Variants in RIPK2 observed in about 807,000 individuals in gnomAD.
The protein encoded by RIPK2 is receptor interacting serine/threonine kinase 2.
Under a neutral mutation model 60.9 loss-of-function variants are expected in RIPK2, and 38 were observed. That is an observed-to-expected ratio of 0.62 (90% confidence interval 0.48 to 0.82). The LOEUF (loss-of-function observed/expected upper bound fraction) is 0.82. Among genes scored for constraint, RIPK2 ranks in the 40% least tolerant of loss-of-function variants. The pLI, the probability that RIPK2 is intolerant of heterozygous loss-of-function variation, is 0.00. For synonymous variants in RIPK2, 225 were observed against 223.4 expected (o/e 1.01, Z -0.06); for missense variants, 518 against 647.0 (o/e 0.80, Z 2.16).
At chr8:89,781,053 G>A (rs921842439) in intron 7 of RIPK2, among the ~76,000 whole-genome samples, 6 of 150,438 alleles carry the variant, frequency 4.0e-5, no homozygotes, top group Non-Finnish European at 8.8e-5. Context: ...GTTTGTTAGG[G>A]GATATAGGTT....
At position 89,758,017 on chromosome 8, in the gene RIPK2, C is replaced by T. The variant is rs199566219; in HGVS notation, c.-44C>T. The T allele has an allele frequency of 1.3e-6, 2 of 1,501,904 alleles. No homozygotes were observed. The highest frequency in any genetic ancestry group is 1.8e-6 in the Non-Finnish European group (2 of 1,121,032). The allele number at this position is 1,501,904 out of a possible 1,614,324, so 93.0% of individuals were successfully genotyped here. ...GCGGCGTGGGAGCCTTGGGAGCCGC[C>T]GCAGCAGGGGGCACACCCGGAACCG... On this transcript the variant is annotated 5_prime_UTR_variant, in exon 1 of 11. Transcript: ENST00000220751.
Position 89,765,552 on chromosome 8 carries a change from T to G in RIPK2, c.483+56T>G, listed in dbSNP as rs1308195429. ...CTTGTCCTTATAGTTTTAAAAATAC[T>G]TTTTAGTTATTTCTTCGACCTAGCC... On this transcript the variant is annotated intron_variant, in intron 3 of 10. Transcript: ENST00000220751. 11 of 1,214,846 alleles carry G rather than the reference T, an allele frequency of 9.1e-6. No individual in the cohort carries two copies. The East Asian group carries it at 2.4e-4, about 27-fold the overall frequency. 75.3% of individuals were successfully genotyped at this position (1,214,846 alleles called of 1,614,324 possible).
intron 6 of RIPK2, among the ~76,000 whole-genome samples, chr8:89,773,744 G>T (rs1453633426): frequency 6.6e-6 from 1 of 152,142 alleles, no homozygotes; most frequent in East Asian, 1.9e-4. Context: ...AATTAAGATA[G>T]TATTTCAGAG....
At chr8:89,774,172 T>G (rs1809359938) in intron 6 of RIPK2, among the ~76,000 whole-genome samples, 1 of 151,984 alleles carries the variant, frequency 6.6e-6, no homozygotes, top group African/African-American at 2.4e-5. Flanking sequence ...AAGGGCTTGA[T>G]TCTAGAATAT....
rs1478311049 is a variant in RIPK2, at chr8:89,771,796, T to C, written c.691+6T>C. On this transcript the variant is annotated splice_donor_region_variant and intron_variant, in intron 5 of 10. Coordinates refer to ENST00000220751, the MANE Select transcript of RIPK2 (RefSeq NM_003821.6). ...CAGAAAACAGCCTTTTGAAGGTAAGTATGGTTTGACTTTTTTATGCTCAAT... is the reference window on the plus strand; with the variant it reads ...CAGAAAACAGCCTTTTGAAGGTAAGCATGGTTTGACTTTTTTATGCTCAAT... 6.3e-7 allele frequency: 1 copy of C among 1,595,092 alleles called. No individual in the cohort carries two copies. Among genetic ancestry groups the C allele is most frequent in the Non-Finnish European group, 8.6e-7 (1 of 1,164,714 alleles).
At chr8:89,775,763 T>G (rs1229158657) in intron 6 of RIPK2, among the ~76,000 whole-genome samples, 4 of 152,202 alleles carry the variant, frequency 2.6e-5, no homozygotes, top group African/African-American at 9.6e-5. Flanking sequence ...CTCTCATGGC[T>G]TCTATTTTCT....
rs1219738031 is a variant in RIPK2, at chr8:89,758,115, G to A, written c.55G>A (p.Ala19Thr). The A allele has an allele frequency of 6.2e-7, 1 of 1,605,682 alleles. No homozygotes were observed. The highest frequency in any genetic ancestry group is 1.1e-5 in the South Asian group (1 of 89,718). The change falls in exon 1 of 11, where the codon GCC becomes ACC. Residue 19 changes from alanine to threonine, a missense_variant. By Grantham distance (58) the Ala-to-Thr change is moderately conservative (BLOSUM62 0). Coordinates refer to ENST00000220751, the MANE Select transcript of RIPK2 (RefSeq NM_003821.6). ...GCCCACCATTCCCTACCACAAACTC[G>A]CCGACCTGCGCTACCTGAGCCGCGG... ...ALPTIPYHKLADLRYLSRGAS... is the reference protein window; with the variant it reads ...ALPTIPYHKLTDLRYLSRGAS...
intron 3 of RIPK2, among the ~76,000 whole-genome samples, chr8:89,768,174 C>G (rs534941957): frequency 6.6e-6 from 1 of 151,526 alleles, no homozygotes; most frequent in Non-Finnish European, 1.5e-5. Context: ...CTTTTTGCCA[C>G]GTATCGTTGC....
chr8:89,767,522 T>C (rs764114354), intron 3 of RIPK2, among the ~76,000 whole-genome samples: 3 of 151,608 alleles, frequency 2.0e-5, no homozygotes, highest in Admixed American at 6.6e-5. Flanking sequence ...TGCCTCAGTA[T>C]TGCTAAGAAA....
At chr8:89,765,163 G>A (rs940081719) in intron 2 of RIPK2, among the ~76,000 whole-genome samples, 178 bp from the exon 3 acceptor site, 2 of 152,004 alleles carry the variant, frequency 1.3e-5, no homozygotes, top group South Asian at 4.2e-4. Flanking sequence ...TATAAAGTGA[G>A]GAAAGTAAGA....
intron 10 of RIPK2, among the ~76,000 whole-genome samples, 161 bp downstream of exon 10, chr8:89,789,643 A>G (rs1453726642): frequency 6.6e-6 from 1 of 152,234 alleles, no homozygotes; most frequent in Non-Finnish European, 1.5e-5. Context: ...GGGAATGATG[A>G]CATGGCCCAA....
At position 89,784,120 on chromosome 8, in the gene RIPK2, T is replaced by C; in HGVS notation, c.1010T>C (p.Val337Ala). 7.9e-7 allele frequency: 1 copy of C among 1,268,094 alleles called. No individual in the cohort carries two copies. Among genetic ancestry groups the C allele is most frequent in the Non-Finnish European group, 1.1e-6 (1 of 923,516 alleles). 78.6% of individuals were successfully genotyped at this position (1,268,094 alleles called of 1,614,324 possible). A position where few individuals can be genotyped will look rare whatever the true frequency, so the allele number is the denominator to read the frequency against. The change falls in exon 8 of 11, where the codon GTA becomes GCA. Residue 337 changes from valine (V) to alanine (A), a missense_variant. Physicochemically the swap from Val to Ala is moderately conservative, Grantham distance 64. Coordinates refer to ENST00000220751, the MANE Select transcript of RIPK2 (RefSeq NM_003821.6). ...KKMELSLNIPVNHGPQEESCG... is the reference protein window; with the variant it reads ...KKMELSLNIPANHGPQEESCG... ...ATGGAATTATCTCTGAACATACCTG[T>C]AAATCATGGTCCACAAGAGGTAAAA...
intron 5 of RIPK2, 47 bp downstream of exon 5, chr8:89,771,837 G>A: frequency 8.5e-7 from 1 of 1,172,914 alleles, no homozygotes; most frequent in East Asian, 2.4e-5. Flanking sequence ...CATGTTAGTA[G>A]GTCACTCTCA....
intron 6 of RIPK2, among the ~76,000 whole-genome samples, chr8:89,779,310 G>GTTC (rs1809454692): frequency 1.3e-5 from 1 of 79,094 alleles, no homozygotes; most frequent in Non-Finnish European, 2.1e-5. Context: ...CGGTTTTTGG[G>GTTC]TTTTTTTTTT....
intron 6 of RIPK2, among the ~76,000 whole-genome samples, chr8:89,777,889 GA>G (rs948315971): frequency 8.7e-5 from 13 of 150,116 alleles, no homozygotes; most frequent in Non-Finnish European, 1.6e-4. Context: ...GGGAAAGGAA[GA>G]AAAAAAAATC....
intron 10 of RIPK2, 110 bp from the exon 11 acceptor site, chr8:89,789,969 C>A (rs1350284099): frequency 2.6e-6 from 2 of 774,806 alleles, no homozygotes; most frequent in Non-Finnish European, 3.9e-6. Context: ...CATATTGGCA[C>A]AATCATAGGA....
At chr8:89,778,296 TA>T (rs1361784540) in intron 6 of RIPK2, among the ~76,000 whole-genome samples, 6 of 151,878 alleles carry the variant, frequency 4.0e-5, no homozygotes, top group Admixed American at 2.0e-4. Flanking sequence ...TAATAAAGAT[TA>T]TTTTTTTCAA....
chr8:89,758,313 C>T, intron 1 of RIPK2, 80 bp downstream of exon 1: 1 of 1,413,772 alleles, frequency 7.1e-7, no homozygotes. Context: ...GGCTCTAGAG[C>T]CCAAATGGCA....
intron 2 of RIPK2, among the ~76,000 whole-genome samples, chr8:89,763,717 C>T (rs1809181849): frequency 6.6e-6 from 1 of 151,958 alleles, no homozygotes; most frequent in Admixed American, 6.6e-5. Flanking sequence ...TGTAAGTGGC[C>T]AAGGGAAAGT....
Sources: allele counts gnomAD v4.1 joint callset (sites outside exome capture counted in the v4.1 genomes callset), GRCh38; gene constraint gnomAD v4.1.1; transcripts MANE v1.5; gene names NCBI Gene and HGNC (gene_info 2026-07-23, HGNC 2026-07-21).